The following A2ML1 variants were observed in gnomAD, a reference collection of about 807,000 sequenced individuals.
A2ML1 encodes alpha-2-macroglobulin like 1.
In A2ML1, 161 loss-of-function variants were observed where a neutral mutation model predicts 181.9. The observed-to-expected ratio is 0.89, with a 90% CI of 0.78 to 1.01. A2ML1 has a LOEUF of 1.01. Among genes scored for constraint, A2ML1 ranks in the 50% least tolerant of loss-of-function variants. The probability of loss-of-function intolerance (pLI) is 0.00; values close to 1 mark genes in which losing one functional copy is unlikely to be tolerated. For missense variants in A2ML1, 1,670 were observed against 1,768.1 expected, an observed-to-expected ratio of 0.94 and a Z score of 1.00; for synonymous variants, 663 against 666.8, an observed-to-expected ratio of 0.99 and a Z score of 0.09.
At chr12:8,879,561 A>G (rs1944850126), downstream of A2ML1, among the ~76,000 whole-genome samples, 2 of 152,056 alleles carry the variant, frequency 1.3e-5, no homozygotes, top group African/African-American at 4.8e-5. Flanking sequence ...TCCCATGTAC[A>G]TTTTGGGTCT....
At chr12:8,854,951 G>A in intron 22 of A2ML1, 120 bp downstream of exon 22, 1 of 1,081,620 alleles carries the variant, frequency 9.2e-7, no homozygotes. Flanking sequence ...CTGGATTGCA[G>A]TGGCACGATT....
rs781212725 is a variant in A2ML1, at chr12:8,868,326, C to T, written c.4030C>T (p.Pro1344Ser). ...AGCTAGATGTGAGCAACCGACTTCA[C>T]CTCGATCCTTGACTCTCACTATTCA... Reference protein sequence around the residue: ...GKARCEQPTSPRSLTLTIHTS... With the variant: ...GKARCEQPTSSRSLTLTIHTS... The change falls in exon 31 of 36, where the codon CCT (proline) becomes TCT (serine). Residue 1344 changes from proline to serine, a missense_variant. By Grantham distance (74) the Pro-to-Ser change is moderately conservative. Transcript: ENST00000299698. The T allele has an allele frequency of 1.2e-6, 2 of 1,613,406 alleles. No individual in the cohort carries two copies. Among genetic ancestry groups the T allele is most frequent in the South Asian group, 1.1e-5 (1 of 90,834 alleles).
At chr12:8,823,000 G>A (rs1487272737) in intron 1 of A2ML1, among the ~76,000 whole-genome samples, 182 bp from the exon 2 acceptor site, 3 of 152,122 alleles carry the variant, frequency 2.0e-5, no homozygotes, top group Non-Finnish European at 1.5e-5. Context: ...TCCTGATGGC[G>A]GAAGTTGAAG....
intron 18 of A2ML1, among the ~76,000 whole-genome samples, chr12:8,851,393 T>C (rs1473611622): frequency 6.6e-6 from 1 of 151,882 alleles, no homozygotes; most frequent in Non-Finnish European, 1.5e-5. Flanking sequence ...ACAATTTTAC[T>C]TCTGCAGATG....
At chr12:8,859,192 T>G (rs946346024) in intron 26 of A2ML1, among the ~76,000 whole-genome samples, 2 of 151,950 alleles carry the variant, frequency 1.3e-5, no homozygotes, top group African/African-American at 4.8e-5. Context: ...GATAACTTGT[T>G]CAATTCAGGA....
At chr12:8,860,744 G>GA (rs1305917656) in intron 26 of A2ML1, 137 bp from the exon 27 acceptor site, 5 of 741,016 alleles carry the variant, frequency 6.7e-6, no homozygotes, top group African/African-American at 5.3e-5. Context: ...AAAGCCTGTG[G>GA]AAAAAAGAGC....
rs963207380 is a variant in A2ML1 at position 8,857,294 on chromosome 12, G to A, written c.2979G>A (p.Leu993=). The A allele has an allele frequency of 6.2e-7, 1 of 1,613,898 alleles. No individual in the cohort carries two copies. The highest frequency in any genetic ancestry group is 1.3e-5 in the African/African-American group (1 of 74,910). The change falls in exon 24 of 36, where the codon CTG becomes CTA. Residue 993 remains leucine, a synonymous_variant. Transcript: ENST00000299698. ...YVLQYLEKAG[L]LTEEIRSRAV... ...TGCAGTACCTGGAGAAGGCAGGGCT[G>A]CTGACGGAGGAGATCAGGTCTCGGG...
In A2ML1 at chr12:8,874,514, C is replaced by T; in HGVS notation, c.4311C>T (p.Asp1437=). The change falls in exon 34 of 36, where the codon GAC becomes GAT. Residue 1437 remains aspartate, a synonymous_variant. Coordinates refer to ENST00000299698, the MANE Select transcript of A2ML1 (RefSeq NM_144670.6). The part of the protein sequence containing the change: ...NLKPATIKVY[D]YYLPDEQATI... ...AACCAGCAACCATCAAGGTCTATGA[C>T]TACTACCTACCAGGTGAGAGGGCTG... 1.2e-6 allele frequency: 2 copies of T among 1,613,410 alleles called. No homozygotes were observed. Among genetic ancestry groups the T allele is most frequent in the South Asian group, 2.2e-5 (2 of 91,064 alleles).
In A2ML1 at chr12:8,861,212, G is replaced by A; in HGVS notation, c.3417G>A (p.Leu1139=). 1 of 1,614,194 alleles carries A rather than the reference G, an allele frequency of 6.2e-7. No homozygotes were observed. Among genetic ancestry groups the A allele is most frequent in the East Asian group, 2.2e-5 (1 of 44,886 alleles). The change falls in exon 28 of 36, where the codon CTG becomes CTA. Residue 1139 remains leucine (L), a synonymous_variant. Transcript: ENST00000299698. The part of the protein sequence containing the change: ...TSTTNLYTQA[L]LAYIFSLAGE... ...CGACCAACCTCTACACACAGGCCCT[G>A]TTGGCTTACATTTTCTCCCTGGCTG... is the stretch of plus-strand genomic sequence containing the variant.
chr12:8,833,856 G>A (rs918000903), intron 4 of A2ML1, among the ~76,000 whole-genome samples: 1 of 151,922 alleles, frequency 6.6e-6, no homozygotes, highest in South Asian at 2.1e-4. Flanking sequence ...TTGAAGAATT[G>A]CCATTATCCC....
Position 8,838,435 on chromosome 12 carries a change from G to A in A2ML1, c.955G>A (p.Val319Met). 3.1e-6 allele frequency: 5 copies of A among 1,613,646 alleles called. No homozygotes were observed. The highest frequency in any genetic ancestry group is 3.4e-6 in the Non-Finnish European group (4 of 1,179,780). The change falls in exon 9 of 36, where the codon GTG becomes ATG. Residue 319 changes from valine (V) to methionine (M), a missense_variant. Coordinates refer to ENST00000299698, the MANE Select transcript of A2ML1 (RefSeq NM_144670.6). ...SHQINIVATVVEEGTGVEANA... is the reference protein window; with the variant it reads ...SHQINIVATVMEEGTGVEANA... ...TCAAATCAATATTGTGGCTACTGTT[G>A]TGGAGGAAGGGACAGGTAAGTAGGG...
intron 3 of A2ML1, among the ~76,000 whole-genome samples, chr12:8,828,596 A>C (rs778499340): frequency 2.6e-5 from 4 of 152,064 alleles, no homozygotes; most frequent in Non-Finnish European, 4.4e-5. Context: ...GCTGTACCCC[A>C]CTGTGGCTGA....
At chr12:8,859,305 C>A (rs73038794) in intron 26 of A2ML1, among the ~76,000 whole-genome samples, 8,068 of 152,110 alleles carry the variant, frequency 0.053, 315 homozygotes, top group Non-Finnish European at 0.087. Context: ...AAAAAAAAAT[C>A]TATTTATAGG....
chr12:8,823,443 G>A, intron 2 of A2ML1, 78 bp downstream of exon 2: 1 of 1,451,352 alleles, frequency 6.9e-7, no homozygotes, highest in African/African-American at 1.4e-5. Context: ...TCTACTTTAA[G>A]TATAATTTCT....
chr12:8,840,915 AAAG>A (rs1389547508), intron 10 of A2ML1, among the ~76,000 whole-genome samples: 4 of 151,290 alleles, frequency 2.6e-5, no homozygotes, highest in South Asian at 2.1e-4. Flanking sequence ...TCAAAAAAAA[AAAG>A]AAAGAAAGGA....
At chr12:8,842,760 A>G (rs1943534752) in intron 11 of A2ML1, among the ~76,000 whole-genome samples, 1 of 152,018 alleles carries the variant, frequency 6.6e-6, no homozygotes, top group Non-Finnish European at 1.5e-5. Context: ...AGAAATAATT[A>G]TTTTTCAATC....
intron 10 of A2ML1, among the ~76,000 whole-genome samples, chr12:8,840,994 G>GGAAA: frequency 1.0e-5 from 1 of 98,204 alleles, no homozygotes; most frequent in Non-Finnish European, 2.2e-5. Context: ...AAGGAAGGAA[G>GGAAA]GAAGGAAGGA....
chr12:8,845,447 A>G lies in A2ML1; in HGVS notation c.1482A>G (p.Ile494Met), dbSNP rs747343790. ...DQEISFSYYL[I>M]GKGSLVMEGQ... ...TCTTTTCTTTTCTTCTTTAGTTAAT[A>G]GGGAAAGGAAGTTTGGTGATGGAGG... The change falls in exon 13 of 36, where the codon ATA becomes ATG. Residue 494 changes from isoleucine (I) to methionine (M), a missense_variant. By Grantham distance (10) the Ile-to-Met change is conservative (BLOSUM62 1). Transcript: ENST00000299698. 1.9e-6 allele frequency: 3 copies of G among 1,614,158 alleles called. No homozygotes were observed. The South Asian group carries it at 3.3e-5, about 18-fold the overall frequency.
chr12:8,842,437 T>C (rs1943521161), intron 11 of A2ML1, among the ~76,000 whole-genome samples: 1 of 152,058 alleles, frequency 6.6e-6, no homozygotes. Context: ...GCCAGGATGG[T>C]CTCGATCTCC....
Sources: gnomAD v4.1 joint callset for allele counts (sites outside exome capture counted in the v4.1 genomes callset) on GRCh38, gnomAD v4.1.1 for gene constraint, MANE v1.5 for transcripts, NCBI Gene and HGNC (gene_info 2026-07-23, HGNC 2026-07-21) for gene names.